C17orf75: variants seen among roughly 807,000 people sequenced by gnomAD.
C17orf75 encodes chromosome 17 open reading frame 75.
A neutral mutation model predicts 49.6 loss-of-function variants in C17orf75; 32 were observed. The observed-to-expected ratio is 0.65, with a 90% CI of 0.49 to 0.87. C17orf75 has a LOEUF of 0.87. Ranked by LOEUF, C17orf75 falls within the 40% of genes least tolerant of loss-of-function variation. C17orf75 has a pLI of 0.00. For synonymous variants in C17orf75, 158 were observed against 159.5 expected, an observed-to-expected ratio of 0.99 and a Z score of 0.07; for missense variants, 428 against 473.9, an observed-to-expected ratio of 0.90 and a Z score of 0.90.
rs980032096 is a variant in C17orf75 at position 32,338,086 on chromosome 17, G to A, written c.491+122C>T. The A allele has an allele frequency of 2.5e-5, 38 of 1,511,612 alleles. No individual in the cohort carries two copies. In the African/African-American group the frequency reaches 5.2e-4, roughly 21 times the overall value. The allele number at this position is 1,511,612 out of a possible 1,614,324, so 93.6% of individuals were successfully genotyped here. ...GCCAAGGCAAAATGGCCACATGAAG[G>A]TATGAAATTCAACTAAATACACGAG... is the stretch of plus-strand genomic sequence containing the variant. On this transcript the variant is annotated intron_variant, in intron 4 of 9. Coordinates refer to ENST00000577809, the MANE Select transcript of C17orf75 (RefSeq NM_022344.4).
chr17:32,331,898 C>A lies in C17orf75; in HGVS notation c.1056G>T (p.Met352Ile), dbSNP rs1045239008. The A allele has an allele frequency of 2.5e-6, 4 of 1,613,520 alleles. No homozygotes were observed. The highest frequency in any genetic ancestry group is 2.5e-6 in the Non-Finnish European group (3 of 1,179,552). The change falls in exon 10 of 10, where the codon ATG becomes ATT. Residue 352 changes from methionine (M) to isoleucine (I), a missense_variant. Physicochemically the swap from Met to Ile is conservative, Grantham distance 10. Coordinates refer to ENST00000577809, the MANE Select transcript of C17orf75 (RefSeq NM_022344.4). The stretch of plus-strand genomic sequence containing the variant: ...CTCCACTACCACAGTTCTTTAGGAA[C>A]ATGTAACATTTAAACAAAGCATAAT... ...MNHYALFKCY[M>I]FLKNCGSGDI...
At chr17:32,349,308 C>A (rs919575103) in intron 1 of C17orf75, among the ~76,000 whole-genome samples, 1 of 152,008 alleles carries the variant, frequency 6.6e-6, no homozygotes, top group African/African-American at 2.4e-5. Context: ...TTATGTCGGG[C>A]GCAGCGGCTC....
intron 1 of C17orf75, among the ~76,000 whole-genome samples, chr17:32,349,186 C>T (rs1025800571): frequency 1.3e-5 from 2 of 152,054 alleles, no homozygotes; most frequent in African/African-American, 4.8e-5. Context: ...CCAGTCTTAC[C>T]ACGATTAGTT....
upstream of C17orf75, chr17:32,342,307 C>G (rs1169098500): frequency 1.7e-6 from 2 of 1,159,448 alleles, no homozygotes; most frequent in African/African-American, 3.2e-5. Flanking sequence ...CTCTTCTCCC[C>G]ACAGGGGCTG....
chr17:32,340,048 G>GCTGTC, intron 2 of C17orf75, 110 bp from the exon 3 acceptor site: 2 of 1,336,308 alleles, frequency 1.5e-6, no homozygotes, highest in Non-Finnish European at 2.0e-6. Context: ...ACTGGGGAAA[G>GCTGTC]CTGTCCTTAT....
intron 1 of C17orf75, 47 bp from the exon 2 acceptor site, chr17:32,341,331 C>T: frequency 1.9e-6 from 3 of 1,599,908 alleles, no homozygotes; most frequent in Non-Finnish European, 2.6e-6. Context: ...GGCTCTAAAC[C>T]AAGAGGAGTA....
At chr17:32,337,813 T>G in intron 5 of C17orf75, 84 bp downstream of exon 5, 1 of 1,248,118 alleles carries the variant, frequency 8.0e-7, no homozygotes, top group African/African-American at 1.5e-5. Context: ...CACCTCGGCC[T>G]CCCAAAGTGC....
At chr17:32,342,262 G>T, upstream of C17orf75, 3 of 1,364,854 alleles carry the variant, frequency 2.2e-6, no homozygotes, top group Non-Finnish European at 2.8e-6. Flanking sequence ...TGGTTTCCCC[G>T]GGTTCGCAGG....
chr17:32,343,759 AT>A, upstream of C17orf75: 2 of 631,444 alleles, frequency 3.2e-6, no homozygotes, highest in South Asian at 3.4e-5. Context: ...TTTCAACTAC[AT>A]TTAAAAGAGG....
Position 32,333,471 on chromosome 17 carries a change from G to A in C17orf75, c.921C>T (p.Ala307=). The change falls in exon 9 of 10, where the codon GCC becomes GCT. Residue 307 remains alanine (A), a synonymous_variant. Transcript: ENST00000577809. ...EDWMQAFLNG[A]KGGNPFLFRQ... is the part of the protein sequence containing the mutation. ...GGAAAAGAAAAGGGTTACCTCCTTTGGCACCATTTAAAAAAGCTTGCATCC... is the reference window on the plus strand; with the variant it reads ...GGAAAAGAAAAGGGTTACCTCCTTTAGCACCATTTAAAAAAGCTTGCATCC... 6.2e-7 allele frequency: 1 copy of A among 1,613,484 alleles called. No individual in the cohort carries two copies. Among genetic ancestry groups the A allele is most frequent in the Non-Finnish European group, 8.5e-7 (1 of 1,179,746 alleles).
intron 5 of C17orf75, among the ~76,000 whole-genome samples, chr17:32,335,799 C>T (rs1415082513): frequency 1.3e-5 from 2 of 152,208 alleles, no homozygotes; most frequent in East Asian, 1.9e-4. Flanking sequence ...CAATAATCCT[C>T]ATTTCCCTGG....
At chr17:32,347,559 G>A (rs1355802687) in intron 1 of C17orf75, among the ~76,000 whole-genome samples, 2 of 152,164 alleles carry the variant, frequency 1.3e-5, no homozygotes, top group African/African-American at 4.8e-5. Context: ...TGGGATTACA[G>A]GGGTGAGCCA....
At chr17:32,343,595 T>C (rs192681698), upstream of C17orf75, 301 of 431,168 alleles carry the variant, frequency 7.0e-4, 5 homozygotes, top group African/African-American at 5.3e-3. Context: ...GTTTCTTCTC[T>C]TGCAATAAAG....
chr17:32,343,849 A>T (rs2041403958), upstream of C17orf75: 6 of 676,688 alleles, frequency 8.9e-6, no homozygotes, highest in East Asian at 1.6e-4. Flanking sequence ...TTTTAGTTTT[A>T]AGCAGAAGAA....
At chr17:32,341,079 T>G in intron 2 of C17orf75, 125 bp downstream of exon 2, 2 of 977,782 alleles carry the variant, frequency 2.0e-6, no homozygotes, top group Non-Finnish European at 3.2e-6. Context: ...TCCTAGGGGA[T>G]AGGAGGAATT....
At chr17:32,349,828 CAAAATT>C (rs2041467343) in intron 1 of C17orf75, 31 of 777,124 alleles carry the variant, frequency 4.0e-5, no homozygotes, top group Non-Finnish European at 4.7e-5. Flanking sequence ...TCAATTGAAA[CAAAATT>C]AAAATTGGGC....
At chr17:32,335,504 T>C (rs1329550403) in intron 5 of C17orf75, 62 bp from the exon 6 acceptor site, 1 of 1,581,386 alleles carries the variant, frequency 6.3e-7, no homozygotes, top group Non-Finnish European at 8.6e-7. Flanking sequence ...GACTTCATAT[T>C]TTCTTCATCA....
At chr17:32,335,653 A>G (rs936135899) in intron 5 of C17orf75, among the ~76,000 whole-genome samples, 1 of 152,224 alleles carries the variant, frequency 6.6e-6, no homozygotes, top group Non-Finnish European at 1.5e-5. Context: ...GAATTTATTT[A>G]AAACACACCA....
At position 32,332,072 on chromosome 17, in the gene C17orf75, TC is replaced by T; in HGVS notation, c.976-95del. 3.0e-6 allele frequency: 3 copies of T among 1,001,364 alleles called. No homozygotes were observed. The South Asian group carries it at 4.9e-5, about 16-fold the overall frequency. 62.0% of individuals were successfully genotyped at this position (1,001,364 alleles called of 1,614,324 possible). ...ATCCAGCTGAGAACTCAACATATCT[TC>T]CTGAATTGTTTGCTTTTCATATTAA... On this transcript the variant is annotated intron_variant, in intron 9 of 9. Transcript: ENST00000577809.
Sources: allele counts gnomAD v4.1 joint callset (sites outside exome capture counted in the v4.1 genomes callset), GRCh38; gene constraint gnomAD v4.1.1; transcripts MANE v1.5; gene names NCBI Gene and HGNC (gene_info 2026-07-23, HGNC 2026-07-21).